Variants in THSD7B observed in about 807,000 individuals in gnomAD.
THSD7B encodes thrombospondin type-1 domain-containing protein 7B.
THSD7B carries 138 observed loss-of-function variants against 213.6 expected under a neutral mutation model. The ratio of observed to expected loss-of-function variants is 0.65; its 90% CI spans 0.56 to 0.74. The LOEUF is 0.74. THSD7B is among the 30% of genes least tolerant of loss of function. The pLI is 0.00. For missense variants in THSD7B, 1,931 were observed against 1,991.5 expected (o/e 0.97, Z 0.58); for synonymous variants, 742 against 687.0 (o/e 1.08, Z -1.25).
intron 20 of THSD7B, among the ~76,000 whole-genome samples, chr2:137,623,214 C>T (rs1259773931): frequency 6.6e-6 from 1 of 152,106 alleles, no homozygotes; most frequent in Non-Finnish European, 1.5e-5. Flanking sequence ...ATAAATAGAA[C>T]CAAAGACAAA....
intron 15 of THSD7B, among the ~76,000 whole-genome samples, chr2:137,465,663 C>T (rs2105085778): frequency 6.6e-6 from 1 of 152,236 alleles, no homozygotes; most frequent in East Asian, 1.9e-4. Flanking sequence ...ATCTTCCACC[C>T]TAATGAATGC....
chr2:137,344,581 G>T (rs1272526138), intron 12 of THSD7B, among the ~76,000 whole-genome samples: 1 of 151,576 alleles, frequency 6.6e-6, no homozygotes, highest in Non-Finnish European at 1.5e-5. Context: ...TCCCATCCAC[G>T]GGAGGAATAA....
chr2:136,989,624 G>A (rs181901818), intron 2 of THSD7B, among the ~76,000 whole-genome samples: 20 of 152,180 alleles, frequency 1.3e-4, no homozygotes, highest in Admixed American at 6.5e-4. Flanking sequence ...CCTTCATGGC[G>A]CACAAAACTA....
At chr2:137,602,548 G>A (rs1315575182) in intron 17 of THSD7B, among the ~76,000 whole-genome samples, 2 of 152,016 alleles carry the variant, frequency 1.3e-5, no homozygotes, top group Admixed American at 1.3e-4. Context: ...GATTACAGGC[G>A]TGAGCCACCG....
intron 15 of THSD7B, among the ~76,000 whole-genome samples, chr2:137,518,845 C>T (rs896027639): frequency 6.6e-6 from 1 of 152,196 alleles, no homozygotes; most frequent in African/African-American, 2.4e-5. Flanking sequence ...CAACACTGAG[C>T]CTTCGATATG....
intron 12 of THSD7B, among the ~76,000 whole-genome samples, chr2:137,387,162 G>T (rs917904730): frequency 1.3e-5 from 2 of 152,224 alleles, no homozygotes; most frequent in African/African-American, 4.8e-5. Context: ...TAGCTTGTTA[G>T]ATACTTTGCA....
At chr2:136,973,889 C>G (rs890501838) in intron 2 of THSD7B, among the ~76,000 whole-genome samples, 2 of 152,156 alleles carry the variant, frequency 1.3e-5, no homozygotes, top group Admixed American at 1.3e-4. Flanking sequence ...GAGACACAGT[C>G]TTTTAAAACT....
Position 136,890,303 on chromosome 2 carries a change from C to CCTCCTCCT in THSD7B, c.139+7988_139+7989insCCTCCTCT, listed in dbSNP as rs1553455794. Among the ~76,000 whole-genome samples, 2 of 5,162 alleles carry CCTCCTCCT rather than the reference C, an allele frequency of 3.9e-4. 1 individual carries two copies. The highest frequency in any genetic ancestry group is 1.1e-3 in the African/African-American group (2 of 1,748). 3.4% of individuals were successfully genotyped at this position (5,162 alleles called of 152,430 possible). A position where few individuals can be genotyped will look rare whatever the true frequency, so the allele number is the denominator to read the frequency against. ...TGCTCATTCATGTCCATGTCCTACT[C>CCTCCTCCT]CTTCTTCTTCTTCTTCTTCTTCTTC... On this transcript the variant is annotated intron_variant, in intron 2 of 27. Coordinates refer to ENST00000409968, the MANE Select transcript of THSD7B (RefSeq NM_001316349.2).
intron 12 of THSD7B, among the ~76,000 whole-genome samples, chr2:137,294,250 T>C (rs1683402985): frequency 6.6e-6 from 1 of 152,088 alleles, no homozygotes; most frequent in South Asian, 2.1e-4. Flanking sequence ...TTGTTTTCGA[T>C]AATTTCAGTT....
At chr2:137,495,733 C>T (rs575564090) in intron 15 of THSD7B, among the ~76,000 whole-genome samples, 1 of 152,122 alleles carries the variant, frequency 6.6e-6, no homozygotes, top group East Asian at 1.9e-4. Flanking sequence ...GGTTACACAA[C>T]AAAAAGGGAC....
chr2:137,479,309 A>G (rs1247464851), intron 15 of THSD7B, among the ~76,000 whole-genome samples: 2 of 152,126 alleles, frequency 1.3e-5, no homozygotes, highest in African/African-American at 4.8e-5. Flanking sequence ...AGGAGTGCTC[A>G]GGTGTCATTG....
At chr2:137,299,508 G>T (rs1477311150) in intron 12 of THSD7B, among the ~76,000 whole-genome samples, 1 of 152,010 alleles carries the variant, frequency 6.6e-6, no homozygotes, top group African/African-American at 2.4e-5. Flanking sequence ...GATATGGTTT[G>T]GCTGTGCCCC....
intron 12 of THSD7B, among the ~76,000 whole-genome samples, chr2:137,404,659 G>A (rs1015551393): frequency 1.3e-5 from 2 of 150,314 alleles, no homozygotes; most frequent in Admixed American, 6.6e-5. Flanking sequence ...TATATATGAT[G>A]GAATATTACT....
At chr2:136,960,080 T>G (rs1047024977) in intron 2 of THSD7B, among the ~76,000 whole-genome samples, 47 of 152,308 alleles carry the variant, frequency 3.1e-4, no homozygotes, top group African/African-American at 1.1e-3. Flanking sequence ...GGAACTTTCT[T>G]GTAATGGATT....
chr2:137,598,622 G>C (rs1223224953), intron 17 of THSD7B, among the ~76,000 whole-genome samples: 2 of 152,168 alleles, frequency 1.3e-5, no homozygotes, highest in African/African-American at 2.4e-5. Context: ...TAAATGGCTT[G>C]TTGTGAATAA....
chr2:137,371,905 C>T lies in THSD7B; in HGVS notation c.2501-33708C>T, dbSNP rs889242151. On this transcript the variant is annotated intron_variant, in intron 12 of 27. Transcript: ENST00000409968. ...TAGTTTTAGTGATAGTCTTTTCATT[C>T]GCAAAGTTTTCTTCCCCTTATCATG... is the stretch of plus-strand genomic sequence containing the variant. Among the ~76,000 whole-genome samples the T allele has an allele frequency of 9.2e-5, 14 of 152,182 alleles. No individual in the cohort carries two copies. The East Asian group carries it at 1.2e-3, about 13-fold the overall frequency.
intron 25 of THSD7B, among the ~76,000 whole-genome samples, chr2:137,663,153 T>G (rs1290882752): frequency 6.6e-6 from 1 of 152,140 alleles, no homozygotes; most frequent in East Asian, 1.9e-4. Flanking sequence ...TTGGCAGGTG[T>G]CAGAATTGTA....
chr2:137,157,009 A>C (rs778303546), intron 5 of THSD7B, among the ~76,000 whole-genome samples: 1 of 152,150 alleles, frequency 6.6e-6, no homozygotes. Context: ...ACCCATATAC[A>C]ATTAATATGA....
At chr2:137,136,121 G>A (rs1386221531) in intron 5 of THSD7B, among the ~76,000 whole-genome samples, 2 of 152,048 alleles carry the variant, frequency 1.3e-5, no homozygotes, top group Admixed American at 6.6e-5. Flanking sequence ...ATGGACACAG[G>A]GGAACATCAC....
Sources: gnomAD v4.1 joint callset for allele counts (sites outside exome capture counted in the v4.1 genomes callset) on GRCh38, gnomAD v4.1.1 for gene constraint, MANE v1.5 for transcripts, NCBI Gene and HGNC (gene_info 2026-07-23, HGNC 2026-07-21) for gene names.